SRBD1: variants seen among roughly 807,000 people sequenced by gnomAD.
SRBD1 encodes the protein S1 RNA-binding domain-containing protein 1.
In SRBD1, 88 loss-of-function variants were observed where a neutral mutation model predicts 115.3. That is an observed-to-expected ratio of 0.76 (90% CI 0.64 to 0.91). The LOEUF is 0.91. Among genes scored for constraint, SRBD1 ranks in the 40% least tolerant of loss-of-function variants. The pLI is 0.00. For synonymous variants in SRBD1, 509 were observed against 407.7 expected (o/e 1.25, Z -2.99); for missense variants, 1,385 against 1,177.4 (o/e 1.18, Z -2.58).
chr2:45,389,595 A>C lies in SRBD1; in HGVS notation c.2703T>G (p.Phe901Leu). The change falls in exon 21 of 21, where the codon TTT becomes TTG. Residue 901 changes from phenylalanine to leucine, a missense_variant. By Grantham distance (22) the Phe-to-Leu change is conservative (BLOSUM62 0). Transcript: ENST00000263736. ...TGCTTCTCTTGAAATCAGGTTTATCAAAATCTGTAAGAGAAAAAAAGTAAG... is the reference window on the plus strand; with the variant it reads ...TGCTTCTCTTGAAATCAGGTTTATCCAAATCTGTAAGAGAAAAAAAGTAAG... ...QPESFDFRTD[F>L]DKPDFKRSIV... 1 of 1,611,154 alleles carries C rather than the reference A, an allele frequency of 6.2e-7. No individual in the cohort carries two copies. The highest frequency in any genetic ancestry group is 8.5e-7 in the Non-Finnish European group (1 of 1,178,754).
At chr2:45,544,715 T>C (rs1200346986) in intron 14 of SRBD1, among the ~76,000 whole-genome samples, 1 of 152,220 alleles carries the variant, frequency 6.6e-6, no homozygotes. Flanking sequence ...TTAATTTGCA[T>C]AAGAAAATAC....
intron 19 of SRBD1, among the ~76,000 whole-genome samples, chr2:45,401,036 C>A (rs1345621106): frequency 6.6e-6 from 1 of 152,170 alleles, no homozygotes; most frequent in Non-Finnish European, 1.5e-5. Flanking sequence ...ATAGCCTGAT[C>A]ATCTAATTCT....
rs142081663 is a variant in SRBD1 at position 45,413,256 on chromosome 2, C to G, written c.2371G>C (p.Ala791Pro). Residue 791 changes from alanine (A) to proline (P), a missense_variant, in exon 19 of 21, where the codon GCT (alanine) becomes CCT (proline). By Grantham distance (27) the Ala-to-Pro change is conservative. Coordinates refer to ENST00000263736, the MANE Select transcript of SRBD1 (RefSeq NM_018079.5). ...TETSGQIQGV[A>P]VTSSADVEVT... ...TCAACGTCTGCTGAAGATGTCACAG[C>G]AACTCCTTGAATTTGGCCTGAAGTT... The G allele has an allele frequency of 1.2e-6, 2 of 1,613,988 alleles. No individual in the cohort carries two copies. Among genetic ancestry groups the G allele is most frequent in the Admixed American group, 3.3e-5 (2 of 59,984 alleles).
chr2:45,517,905 G>T (rs1433268843), intron 14 of SRBD1, among the ~76,000 whole-genome samples: 3 of 151,960 alleles, frequency 2.0e-5, no homozygotes, highest in Non-Finnish European at 4.4e-5. Context: ...GGGGGCTGAG[G>T]TTGGAGGATC....
intron 15 of SRBD1, among the ~76,000 whole-genome samples, chr2:45,486,559 C>G (rs1670126128): frequency 6.6e-6 from 1 of 151,716 alleles, no homozygotes; most frequent in South Asian, 2.1e-4. Flanking sequence ...AACCTCGTCT[C>G]TACTAAAAAA....
intron 1 of SRBD1, among the ~76,000 whole-genome samples, chr2:45,610,685 G>C (rs1244435819): frequency 2.0e-5 from 3 of 152,178 alleles, no homozygotes; most frequent in Non-Finnish European, 4.4e-5. Context: ...ACTACAGAAG[G>C]TGCAGTTGAT....
In SRBD1 at chr2:45,581,683, G is replaced by C; in HGVS notation, c.933+10C>G. The C allele has an allele frequency of 1.4e-5, 22 of 1,601,480 alleles. No individual in the cohort carries two copies. The highest frequency in any genetic ancestry group is 1.9e-5 in the Non-Finnish European group (22 of 1,172,868). The stretch of plus-strand genomic sequence containing the variant: ...AGGTATTACATTAAAAGATAAAAAG[G>C]ATTCCTTACCACGTGTTCTAGTTCT... On this transcript the variant is annotated intron_variant, in intron 6 of 20. Transcript: ENST00000263736.
intron 14 of SRBD1, among the ~76,000 whole-genome samples, chr2:45,534,975 CCCT>C: frequency 6.6e-6 from 1 of 151,872 alleles, no homozygotes; most frequent in East Asian, 1.9e-4. Flanking sequence ...CAAAAATTCC[CCCT>C]ACCATCACAA....
chr2:45,462,734 G>T (rs919834962), intron 16 of SRBD1, among the ~76,000 whole-genome samples: 1 of 151,880 alleles, frequency 6.6e-6, no homozygotes, highest in Non-Finnish European at 1.5e-5. Context: ...GCTGAGGCAG[G>T]AGAATGGCGT....
At chr2:45,598,879 A>T (rs1466849925) in intron 4 of SRBD1, among the ~76,000 whole-genome samples, 1 of 152,170 alleles carries the variant, frequency 6.6e-6, no homozygotes, top group Non-Finnish European at 1.5e-5. Context: ...GACAGACAAA[A>T]GCTCACTAGC....
At chr2:45,423,162 A>C (rs115956897) in intron 16 of SRBD1, among the ~76,000 whole-genome samples, 4,128 of 152,296 alleles carry the variant, frequency 0.027, 88 homozygotes, top group Admixed American at 0.069. Context: ...CTTGTAGATG[A>C]CAGTGTTGAA....
intron 16 of SRBD1, among the ~76,000 whole-genome samples, chr2:45,446,177 G>C (rs1252172259): frequency 1.3e-5 from 2 of 152,208 alleles, no homozygotes; most frequent in Non-Finnish European, 2.9e-5. Flanking sequence ...ACATGCCAAA[G>C]ACTGATTCCC....
At chr2:45,525,365 G>A (rs1419983899) in intron 14 of SRBD1, among the ~76,000 whole-genome samples, 1 of 151,922 alleles carries the variant, frequency 6.6e-6, no homozygotes, top group African/African-American at 2.4e-5. Flanking sequence ...CTACAGAATG[G>A]CATAAAATAT....
chr2:45,414,643 A>ATATAGTATG (rs1667722989), intron 18 of SRBD1, among the ~76,000 whole-genome samples: 1 of 151,118 alleles, frequency 6.6e-6, no homozygotes, highest in Non-Finnish European at 1.5e-5. Flanking sequence ...TATAGTGTGT[A>ATATAGTATG]TATAGTATGC....
At chr2:45,575,754 A>G (rs1673155745) in intron 7 of SRBD1, among the ~76,000 whole-genome samples, 1 of 152,094 alleles carries the variant, frequency 6.6e-6, no homozygotes, top group Non-Finnish European at 1.5e-5. Flanking sequence ...TCCAGGTTGG[A>G]GTGCAGTGGT....
At chr2:45,414,546 G>C (rs989225143) in intron 18 of SRBD1, among the ~76,000 whole-genome samples, 5 of 117,330 alleles carry the variant, frequency 4.3e-5, no homozygotes, top group Non-Finnish European at 6.9e-5. Context: ...TACACACATA[G>C]TGTCTGTAGT....
At chr2:45,426,614 C>G (rs1384693321) in intron 16 of SRBD1, among the ~76,000 whole-genome samples, 2 of 152,146 alleles carry the variant, frequency 1.3e-5, no homozygotes, top group African/African-American at 2.4e-5. Context: ...CAGCTGGCAT[C>G]TGGCGGGTGC....
intron 19 of SRBD1, among the ~76,000 whole-genome samples, chr2:45,400,181 G>T (rs1006883913): frequency 2.0e-5 from 3 of 152,238 alleles, no homozygotes; most frequent in Admixed American, 2.0e-4. Context: ...TGCAACTGAG[G>T]TCAAAGTAAC....
rs969755680 is a variant in SRBD1 at position 45,550,651 on chromosome 2, C to T, written c.1675+474G>A. Among the ~76,000 whole-genome samples, 5 of 152,020 alleles carry T rather than the reference C, an allele frequency of 3.3e-5. No homozygotes were observed. In the Middle Eastern group the frequency reaches 0.01, roughly 310 times the overall value. ...CAATGTGACTCATTAAAAGTAATAG[C>T]ATAGAGTTCTTCAGGCAGAAAGAAA... On this transcript the variant is annotated intron_variant, in intron 12 of 20. Coordinates refer to ENST00000263736, the MANE Select transcript of SRBD1 (RefSeq NM_018079.5).
Sources: allele counts gnomAD v4.1 joint callset (sites outside exome capture counted in the v4.1 genomes callset), GRCh38; gene constraint gnomAD v4.1.1; transcripts MANE v1.5; gene names NCBI Gene and HGNC (gene_info 2026-07-23, HGNC 2026-07-21).